The following SPAST variants were observed in gnomAD, a reference collection of about 807,000 sequenced individuals.
SPAST encodes the protein spastin, also known as spastic paraplegia 4 (autosomal dominant; spastin).
Under a neutral mutation model 76.6 loss-of-function variants are expected in SPAST, and 30 were observed. The ratio of observed to expected loss-of-function variants is 0.39; its 90% CI spans 0.29 to 0.53. The LOEUF is 0.53. SPAST is among the 20% of genes least tolerant of loss of function. SPAST has a pLI of 0.68. For missense variants in SPAST, 717 were observed against 770.5 expected (o/e 0.93, Z 0.82); for synonymous variants, 305 against 281.0 (o/e 1.09, Z -0.86).
At chr2:32,083,751 TATATA>T (rs1677347093) in intron 1 of SPAST, among the ~76,000 whole-genome samples, 2 of 48,680 alleles carry the variant, frequency 4.1e-5, no homozygotes, top group Non-Finnish European at 7.3e-5. Context: ...TTATATATAC[TATATA>T]TATATATATA....
chr2:32,150,246 T>C (rs1680035609), intron 16 of SPAST, among the ~76,000 whole-genome samples: 2 of 134,858 alleles, frequency 1.5e-5, no homozygotes, highest in Admixed American at 1.6e-4. Context: ...CTAATTTTTT[T>C]TTTTTTTTTT....
At chr2:32,085,978 G>A (rs1263626248) in intron 1 of SPAST, among the ~76,000 whole-genome samples, 1 of 151,966 alleles carries the variant, frequency 6.6e-6, no homozygotes, top group Non-Finnish European at 1.5e-5. Flanking sequence ...GGAGTCGGAG[G>A]TTGCAGTGAA....
chr2:32,112,717 T>G (rs979924829), intron 4 of SPAST, among the ~76,000 whole-genome samples: 5 of 152,194 alleles, frequency 3.3e-5, no homozygotes, highest in Admixed American at 1.3e-4. Context: ...AGTTAACTTG[T>G]AGTAAAAGTA....
At chr2:32,113,782 G>A (rs1425617096) in intron 4 of SPAST, among the ~76,000 whole-genome samples, 1 of 151,562 alleles carries the variant, frequency 6.6e-6, no homozygotes, top group Non-Finnish European at 1.5e-5. Context: ...GGCCAGCCTG[G>A]TCTTGAACTA....
At chr2:32,125,118 A>G (rs1297688673) in intron 7 of SPAST, among the ~76,000 whole-genome samples, 1 of 152,194 alleles carries the variant, frequency 6.6e-6, no homozygotes, top group Non-Finnish European at 1.5e-5. Context: ...GAGTAGGGGA[A>G]ATTGGAAAGG....
intron 3 of SPAST, among the ~76,000 whole-genome samples, chr2:32,097,180 G>C (rs545883696): frequency 6.6e-6 from 1 of 152,194 alleles, no homozygotes; most frequent in African/African-American, 2.4e-5. Context: ...TGCAGCAGTA[G>C]TTTAGAGTGT....
intron 3 of SPAST, among the ~76,000 whole-genome samples, chr2:32,093,631 T>G (rs1677808458): frequency 1.3e-5 from 2 of 152,236 alleles, no homozygotes; most frequent in Non-Finnish European, 2.9e-5. Context: ...GTCTTCTCCC[T>G]GTTGGAATAT....
At chr2:32,108,515 T>A (rs927842312) in intron 4 of SPAST, among the ~76,000 whole-genome samples, 1 of 152,066 alleles carries the variant, frequency 6.6e-6, no homozygotes, top group African/African-American at 2.4e-5. Context: ...ATACTTTATT[T>A]ATATATTTAT....
intron 4 of SPAST, among the ~76,000 whole-genome samples, chr2:32,109,615 T>A (rs1678456570): frequency 6.6e-6 from 1 of 151,060 alleles, no homozygotes; most frequent in African/African-American, 2.4e-5. Context: ...TTTTTGATAA[T>A]CATTGACTCC....
At chr2:32,153,318 ATTTTTTTTTTTT>A (rs148901250) in intron 16 of SPAST, among the ~76,000 whole-genome samples, 8 of 79,252 alleles carry the variant, frequency 1.0e-4, no homozygotes, top group Non-Finnish European at 2.0e-4. Flanking sequence ...TTTTGCCTTA[ATTTTTTTTTTTT>A]TTTTTTTTTT....
chr2:32,100,808 G>A (rs1376476124), intron 4 of SPAST, among the ~76,000 whole-genome samples: 2 of 152,150 alleles, frequency 1.3e-5, no homozygotes, highest in African/African-American at 2.4e-5. Flanking sequence ...TTTGATGGCT[G>A]CTTAGTATTC....
At chr2:32,115,634 G>T in intron 5 of SPAST, 68 bp from the exon 6 acceptor site, 10 of 1,234,968 alleles carry the variant, frequency 8.1e-6, no homozygotes, top group Admixed American at 1.8e-5. Flanking sequence ...GAACTTTAAG[G>T]TTAACTTATT....
At chr2:32,069,357 T>C (rs930839065) in intron 1 of SPAST, among the ~76,000 whole-genome samples, 11 of 152,120 alleles carry the variant, frequency 7.2e-5, no homozygotes, top group Non-Finnish European at 1.5e-4. Flanking sequence ...GTCTGCCTCT[T>C]GGCTGTCCTT....
At chr2:32,142,426 T>A (rs748664302) in intron 13 of SPAST, among the ~76,000 whole-genome samples, 16 of 152,144 alleles carry the variant, frequency 1.1e-4, no homozygotes, top group Non-Finnish European at 2.1e-4. Context: ...TATTTATTTA[T>A]TTTTTTGAGA....
intron 12 of SPAST, among the ~76,000 whole-genome samples, chr2:32,140,357 C>T (rs74409024): frequency 0.013 from 1,914 of 152,228 alleles, 52 homozygotes; most frequent in African/African-American, 0.044. Context: ...TTACATTTCA[C>T]TGGGCTCTTG....
chr2:32,083,762 A>ATTTTTTTTTTT (rs1677350861), intron 1 of SPAST, among the ~76,000 whole-genome samples: 1 of 43,018 alleles, frequency 2.3e-5, no homozygotes, highest in African/African-American at 1.0e-4. Flanking sequence ...ATATATATAT[A>ATTTTTTTTTTT]TATATATATA....
chr2:32,092,201 A>C (rs1209792391), intron 3 of SPAST, among the ~76,000 whole-genome samples: 1 of 152,204 alleles, frequency 6.6e-6, no homozygotes, highest in Non-Finnish European at 1.5e-5. Context: ...ATGAGTAACA[A>C]GGTAGTGTTC....
chr2:32,134,699 C>T (rs1573152627), intron 9 of SPAST, among the ~76,000 whole-genome samples: 1 of 151,998 alleles, frequency 6.6e-6, no homozygotes, highest in East Asian at 1.9e-4. Context: ...TCTAGCCTAG[C>T]TTTTTATTTT....
intron 4 of SPAST, among the ~76,000 whole-genome samples, chr2:32,112,012 G>GTAGTAGTAGT (rs767404915): frequency 6.3e-5 from 6 of 94,684 alleles, no homozygotes; most frequent in Admixed American, 3.0e-4. Flanking sequence ...AGTAGTAGTA[G>GTAGTAGTAGT]TTTTTTTTTT....
Sources: gnomAD v4.1 joint callset for allele counts (sites outside exome capture counted in the v4.1 genomes callset) on GRCh38, gnomAD v4.1.1 for gene constraint, MANE v1.5 for transcripts, NCBI Gene and HGNC (gene_info 2026-07-23, HGNC 2026-07-21) for gene names.